FAM47B: variants seen among roughly 807,000 people sequenced by gnomAD.
FAM47B encodes the protein family with sequence similarity 47 member B.
For missense variants in FAM47B, 581 were observed against 550.1 expected, an observed-to-expected ratio of 1.06 and a Z score of -0.56; for synonymous variants, 247 against 215.8, an observed-to-expected ratio of 1.14 and a Z score of -1.27.
At position 34,943,512 on chromosome X, in the gene FAM47B, T is replaced by C; in HGVS notation, c.681T>C (p.Pro227=). 8.3e-7 allele frequency: 1 copy of C among 1,210,343 alleles called. No individual in the cohort carries two copies. Among genetic ancestry groups the C allele is most frequent in the Non-Finnish European group, 1.1e-6 (1 of 895,144 alleles). ...GGGTGTCCAGTCTCCGCCCAGAGCC[T>C]CCCAAGACTCGGGTGTCCAGTCTCC... ...KTRVSSLRPE[P]PKTRVSSLHP... Residue 227 remains proline, a synonymous_variant, in exon 1 of 1, where the codon CCT becomes CCC. Coordinates refer to ENST00000329357, the MANE Select transcript of FAM47B (RefSeq NM_152631.3).
chrX:34,944,861 A>T lies in FAM47B; in HGVS notation c.*92A>T. The T allele has an allele frequency of 1.0e-6, 1 of 998,882 alleles. No homozygotes were observed. The highest frequency in any genetic ancestry group is 1.3e-6 in the Non-Finnish European group (1 of 747,059). The allele number at this position is 998,882 out of a possible 1,213,427, so 82.3% of individuals were successfully genotyped here. A position where few individuals can be genotyped will look rare whatever the true frequency, so the allele number is the denominator to read the frequency against. ...TGATGACTGGCCCCGTGAATGTACAACTTTGGCAACATCTGTAAATTCAAT... is the reference window on the plus strand; with the variant it reads ...TGATGACTGGCCCCGTGAATGTACATCTTTGGCAACATCTGTAAATTCAAT... On this transcript the variant is annotated 3_prime_UTR_variant, in exon 1 of 1. Coordinates refer to ENST00000329357, the MANE Select transcript of FAM47B (RefSeq NM_152631.3).
chrX:34,944,296 T>C lies in FAM47B; in HGVS notation c.1465T>C (p.Cys489Arg). The C allele has an allele frequency of 4.1e-6, 5 of 1,211,735 alleles. No homozygotes were observed. The East Asian group carries it at 1.5e-4, about 36-fold the overall frequency. ...CAGTCTGTTTGACTTTACCCCTGAG[T>C]GCAGAACAACCGATCAAGACCAAAA... is the stretch of plus-strand genomic sequence containing the variant. ...ISSLFDFTPE[C>R]RTTDQDQKIK... The change falls in exon 1 of 1, where the codon TGC (cysteine) becomes CGC (arginine). Residue 489 changes from cysteine to arginine, a missense_variant. Physicochemically the swap from Cys to Arg is radical, Grantham distance 180 (BLOSUM62 -3). Transcript: ENST00000329357.
Position 34,942,888 on chromosome X carries a change from C to A in FAM47B, c.57C>A (p.Pro19=), listed in dbSNP as rs189542319. Residue 19 remains proline, a synonymous_variant, in exon 1 of 1, where the codon CCC becomes CCA. Transcript: ENST00000329357. ...RPRSQGMDSK[P]WYCDKPPSKY... ...GGTCCCAAGGCATGGACTCCAAGCC[C>A]TGGTACTGTGACAAACCGCCTTCCA... 2.5e-6 allele frequency: 3 copies of A among 1,210,595 alleles called. No homozygotes were observed. In the East Asian group the frequency reaches 8.9e-5, roughly 36 times the overall value.
rs757433063 is a variant in FAM47B at position 34,943,717 on chromosome X, C to T, written c.886C>T (p.His296Tyr). 25 of 1,203,598 alleles carry T rather than the reference C, an allele frequency of 2.1e-5. No individual in the cohort carries two copies. The highest frequency in any genetic ancestry group is 5.5e-5 in the African/African-American group (3 of 55,041). Residue 296 changes from histidine to tyrosine, a missense_variant, in exon 1 of 1, where the codon CAC (histidine) becomes TAC (tyrosine). Coordinates refer to ENST00000329357, the MANE Select transcript of FAM47B (RefSeq NM_152631.3). Reference protein sequence around the residue: ...EPPETRVSHLHPEPPETGVSH... With the variant: ...EPPETRVSHLYPEPPETGVSH... The stretch of plus-strand genomic sequence containing the variant: ...TCCCGAGACTCGCGTATCTCATCTC[C>T]ACCCGGAGCCTCCTGAGACTGGAGT...
In FAM47B at chrX:34,943,491, G is replaced by A; in HGVS notation, c.660G>A (p.Val220=). Residue 220 remains valine (V), a synonymous_variant, in exon 1 of 1, where the codon GTG becomes GTA. Coordinates refer to ENST00000329357, the MANE Select transcript of FAM47B (RefSeq NM_152631.3). Reference sequence around the variant, plus strand: ...GCCCAGAGCCTCCCAAGACTCGGGTGTCCAGTCTCCGCCCAGAGCCTCCCA... The same window carrying A: ...GCCCAGAGCCTCCCAAGACTCGGGTATCCAGTCTCCGCCCAGAGCCTCCCA... ...SRRPEPPKTR[V]SSLRPEPPKT... 2 of 1,210,913 alleles carry A rather than the reference G, an allele frequency of 1.7e-6. No individual in the cohort carries two copies. Among genetic ancestry groups the A allele is most frequent in the South Asian group, 1.8e-5 (1 of 56,913 alleles).
rs1409640161 is a variant in FAM47B at position 34,942,986 on chromosome X, C to A, written c.155C>A (p.Thr52Lys). The A allele has an allele frequency of 4.1e-6, 5 of 1,212,203 alleles. No homozygotes were observed. Among genetic ancestry groups the A allele is most frequent in the South Asian group, 1.8e-5 (1 of 57,018 alleles). The change falls in exon 1 of 1, where the codon ACG becomes AAG. Residue 52 changes from threonine to lysine, a missense_variant. By Grantham distance (78) the Thr-to-Lys change is moderately conservative (BLOSUM62 -1). Transcript: ENST00000329357. Reference sequence around the variant, plus strand: ...GACACCCAGAACTGGGTATTTGTGACGGAGGGCATGGACGACTTCCGCTAC... The same window carrying A: ...GACACCCAGAACTGGGTATTTGTGAAGGAGGGCATGGACGACTTCCGCTAC... Reference protein sequence around the residue: ...PVDTQNWVFVTEGMDDFRYAC... With the variant: ...PVDTQNWVFVKEGMDDFRYAC...
rs763093711 is a variant in FAM47B, at chrX:34,943,423, C to T, written c.592C>T (p.Arg198Cys). Residue 198 changes from arginine to cysteine, a missense_variant, in exon 1 of 1, where the codon CGT (arginine) becomes TGT (cysteine). By Grantham distance (180) the Arg-to-Cys change is radical (BLOSUM62 -3). Transcript: ENST00000329357. ...CPRPPETPVS[R>C]LRPQLPKTPV... ...GCGGCCTCCCGAGACTCCGGTGTCC[C>T]GTCTCCGTCCTCAGCTTCCCAAGAC... The T allele has an allele frequency of 6.6e-6, 8 of 1,210,632 alleles. No homozygotes were observed. Among genetic ancestry groups the T allele is most frequent in the South Asian group, 1.8e-5 (1 of 56,847 alleles).
chrX:34,944,540 C>T lies in FAM47B; in HGVS notation c.1709C>T (p.Pro570Leu). 8.3e-7 allele frequency: 1 copy of T among 1,210,931 alleles called. No individual in the cohort carries two copies. Among genetic ancestry groups the T allele is most frequent in the Non-Finnish European group, 1.1e-6 (1 of 895,136 alleles). ...KLRSDEPLID[P>L]KPVLEKPDEP... ...AGAAGTGATGAACCTTTGATTGACC[C>T]CAAGCCCGTACTTGAAAAGCCTGAT... The change falls in exon 1 of 1, where the codon CCC (proline) becomes CTC (leucine). Residue 570 changes from proline to leucine, a missense_variant. Transcript: ENST00000329357.
chrX:34,944,496 T>C lies in FAM47B; in HGVS notation c.1665T>C (p.Pro555=), dbSNP rs1475158137. The C allele has an allele frequency of 8.3e-7, 1 of 1,211,637 alleles. No homozygotes were observed. The highest frequency in any genetic ancestry group is 3.0e-5 in the East Asian group (1 of 33,828). The change falls in exon 1 of 1, where the codon CCT becomes CCC. Residue 555 remains proline, a synonymous_variant. Transcript: ENST00000329357. ...RIRYGPWYFE[P]KLGKKLRSDE... ...GGTATGGACCATGGTACTTCGAGCC[T>C]AAGTTGGGGAAAAAGCTAAGAAGTG...
At position 34,944,863 on chromosome X, in the gene FAM47B, T is replaced by C; in HGVS notation, c.*94T>C. 2.0e-6 allele frequency: 2 copies of C among 996,291 alleles called. No homozygotes were observed. Among genetic ancestry groups the C allele is most frequent in the Non-Finnish European group, 2.7e-6 (2 of 744,575 alleles). 82.1% of individuals were successfully genotyped at this position (996,291 alleles called of 1,213,427 possible). A position where few individuals can be genotyped will look rare whatever the true frequency, so the allele number is the denominator to read the frequency against. ...ATGACTGGCCCCGTGAATGTACAAC[T>C]TTGGCAACATCTGTAAATTCAATAC... On this transcript the variant is annotated 3_prime_UTR_variant, in exon 1 of 1. Coordinates refer to ENST00000329357, the MANE Select transcript of FAM47B (RefSeq NM_152631.3).
In FAM47B at chrX:34,943,259, C is replaced by T; in HGVS notation, c.428C>T (p.Pro143Leu). ...MYPNLGKDMP[P>L]DLLLQVLKQL... ...CCCAATCTGGGAAAAGATATGCCTC[C>T]AGATCTCCTACTACAGGTGCTGAAA... Residue 143 changes from proline to leucine, a missense_variant, in exon 1 of 1, where the codon CCA becomes CTA. Physicochemically the swap from Pro to Leu is moderately conservative, Grantham distance 98. Coordinates refer to ENST00000329357, the MANE Select transcript of FAM47B (RefSeq NM_152631.3). The T allele has an allele frequency of 8.3e-7, 1 of 1,211,625 alleles. No individual in the cohort carries two copies. Among genetic ancestry groups the T allele is most frequent in the East Asian group, 3.0e-5 (1 of 33,804 alleles).
In FAM47B at chrX:34,944,639, T is replaced by C; in HGVS notation, c.1808T>C (p.Met603Thr). ...KDFILSKGYR[M>T]PGVIEKLFAK... is the part of the protein sequence containing the mutation. ...TTCATTCTAAGCAAGGGCTACAGAA[T>C]GCCTGGCGTCATTGAAAAGCTGTTT... The change falls in exon 1 of 1, where the codon ATG becomes ACG. Residue 603 changes from methionine (M) to threonine (T), a missense_variant. Met to Thr is a moderately conservative substitution (Grantham distance 81). Coordinates refer to ENST00000329357, the MANE Select transcript of FAM47B (RefSeq NM_152631.3). 2.5e-6 allele frequency: 3 copies of C among 1,211,931 alleles called. No individual in the cohort carries two copies. The highest frequency in any genetic ancestry group is 1.7e-5 in the African/African-American group (1 of 57,850).
rs754728275 is a variant in FAM47B, at chrX:34,944,448, T to C, written c.1617T>C (p.Tyr539=). The C allele has an allele frequency of 5.0e-6, 6 of 1,211,896 alleles. No individual in the cohort carries two copies. Among genetic ancestry groups the C allele is most frequent in the African/African-American group, 3.5e-5 (2 of 57,808 alleles). ...GACGCCGGGCGGCACCGCATTCTTA[T>C]AGTGCACAGCGTGGGAGGATAAGGT... ...DRRRRAAPHS[Y]SAQRGRIRYG... Residue 539 remains tyrosine, a synonymous_variant, in exon 1 of 1, where the codon TAT becomes TAC. Transcript: ENST00000329357.
rs772125971 is a variant in FAM47B, at chrX:34,944,647, G to A, written c.1816G>A (p.Val606Ile). The A allele has an allele frequency of 1.6e-5, 19 of 1,210,031 alleles. 1 individual carries two copies. In the South Asian group the frequency reaches 2.3e-4, roughly 15 times the overall value. The change falls in exon 1 of 1, where the codon GTC becomes ATC. Residue 606 changes from valine (V) to isoleucine (I), a missense_variant. Physicochemically the swap from Val to Ile is conservative, Grantham distance 29. Transcript: ENST00000329357. ...ILSKGYRMPG[V>I]IEKLFAKKGW... is the part of the protein sequence containing the mutation. ...AAGCAAGGGCTACAGAATGCCTGGC[G>A]TCATTGAAAAGCTGTTTGCCAAGAA...
In FAM47B at chrX:34,943,288, C is replaced by T. The variant is rs765339328; in HGVS notation, c.457C>T (p.Leu153=). 11 of 1,209,546 alleles carry T rather than the reference C, an allele frequency of 9.1e-6. No individual in the cohort carries two copies. The East Asian group carries it at 3.0e-4, about 33-fold the overall frequency. The change falls in exon 1 of 1, where the codon CTG becomes TTG. Residue 153 remains leucine, a synonymous_variant. Coordinates refer to ENST00000329357, the MANE Select transcript of FAM47B (RefSeq NM_152631.3). The part of the protein sequence containing the change: ...PDLLLQVLKQ[L]DPERKLEDAW... ...TCTCCTACTACAGGTGCTGAAACAG[C>T]TGGATCCCGAGAGGAAGCTGGAGGA...
At position 34,944,124 on chromosome X, in the gene FAM47B, A is replaced by G; in HGVS notation, c.1293A>G (p.Gly431=). The change falls in exon 1 of 1, where the codon GGA becomes GGG. Residue 431 remains glycine (G), a synonymous_variant. Transcript: ENST00000329357. ...SSLCPEPTKT[G]ASHLKELFQE... is the part of the protein sequence containing the mutation. Reference sequence around the variant, plus strand: ...TCTGCCCGGAGCCTACCAAGACCGGAGCGTCCCATCTAAAAGAACTGTTTC... The same window carrying G: ...TCTGCCCGGAGCCTACCAAGACCGGGGCGTCCCATCTAAAAGAACTGTTTC... 1 of 1,211,652 alleles carries G rather than the reference A, an allele frequency of 8.3e-7. No homozygotes were observed. Among genetic ancestry groups the G allele is most frequent in the African/African-American group, 1.7e-5 (1 of 57,680 alleles).
In FAM47B at chrX:34,943,915, G is replaced by T. The variant is rs1602052409; in HGVS notation, c.1084G>T (p.Ala362Ser). The change falls in exon 1 of 1, where the codon GCT becomes TCT. Residue 362 changes from alanine (A) to serine (S), a missense_variant. By Grantham distance (99) the Ala-to-Ser change is moderately conservative. Coordinates refer to ENST00000329357, the MANE Select transcript of FAM47B (RefSeq NM_152631.3). ...DSEKKLEDAR[A>S]RCEGQEMTTE... The stretch of plus-strand genomic sequence containing the variant: ...TGAGAAGAAGCTGGAAGACGCACGG[G>T]CTCGTTGTGAGGGCCAGGAGATGAC... 8.3e-7 allele frequency: 1 copy of T among 1,211,372 alleles called. No homozygotes were observed. The highest frequency in any genetic ancestry group is 1.1e-6 in the Non-Finnish European group (1 of 895,489).
In FAM47B at chrX:34,943,314, C is replaced by T. The variant is rs779441369; in HGVS notation, c.483C>T (p.Asp161=). ...KQLDPERKLE[D]AWARCEAREK... ...TGGATCCCGAGAGGAAGCTGGAGGA[C>T]GCTTGGGCTCGTTGTGAGGCCCGGG... is the stretch of plus-strand genomic sequence containing the variant. The change falls in exon 1 of 1, where the codon GAC becomes GAT. Residue 161 remains aspartate (D), a synonymous_variant. Coordinates refer to ENST00000329357, the MANE Select transcript of FAM47B (RefSeq NM_152631.3). 1.1e-5 allele frequency: 13 copies of T among 1,208,991 alleles called. No homozygotes were observed. Among genetic ancestry groups the T allele is most frequent in the Non-Finnish European group, 1.5e-5 (13 of 894,840 alleles).
In FAM47B at chrX:34,943,995, G is replaced by A; in HGVS notation, c.1164G>A (p.Arg388=). ...GKYHFWESCP[R]PFESRMPHLR... ...ACCATTTTTGGGAATCCTGTCCGCGGCCTTTTGAGAGTCGGATGCCCCATC... is the reference window on the plus strand; with the variant it reads ...ACCATTTTTGGGAATCCTGTCCGCGACCTTTTGAGAGTCGGATGCCCCATC... Residue 388 remains arginine, a synonymous_variant, in exon 1 of 1, where the codon CGG becomes CGA. Coordinates refer to ENST00000329357, the MANE Select transcript of FAM47B (RefSeq NM_152631.3). 1 of 1,210,615 alleles carries A rather than the reference G, an allele frequency of 8.3e-7. No homozygotes were observed.
Sources: allele counts gnomAD v4.1 joint callset, GRCh38; gene constraint gnomAD v4.1.1; transcripts MANE v1.5; gene names NCBI Gene and HGNC (gene_info 2026-07-23, HGNC 2026-07-21).